APBB2: variants seen among roughly 807,000 people sequenced by gnomAD.
APBB2 encodes the protein amyloid beta precursor protein binding family B member 2, also known as Fe65-like 1.
APBB2 carries 38 observed loss-of-function variants against 82.5 expected under a neutral mutation model. The observed-to-expected ratio is 0.46, with a 90% CI of 0.36 to 0.60. The LOEUF is 0.60. Ranked by LOEUF, APBB2 falls within the 20% of genes least tolerant of loss-of-function variation. The pLI is 0.00. For missense variants in APBB2, 772 were observed against 972.3 expected, an observed-to-expected ratio of 0.79 and a Z score of 2.74; for synonymous variants, 341 against 368.2, an observed-to-expected ratio of 0.93 and a Z score of 0.85.
chr4:40,945,646 T>C lies in APBB2; in HGVS notation c.836-573A>G, dbSNP rs139340164. Among the ~76,000 whole-genome samples the C allele has an allele frequency of 1.1e-3, 175 of 152,316 alleles. 4 individuals carry two copies. The East Asian group carries it at 0.021, about 19-fold the overall frequency. On this transcript the variant is annotated intron_variant, in intron 6 of 17. Transcript: ENST00000508593. ...CTTTTTTTTCAAGATGGAGTCTTGC[T>C]CTGTCACCCAGGCTGGAGTGCAGTG... is the stretch of plus-strand genomic sequence containing the variant.
At chr4:40,985,583 T>C (rs963381504) in intron 6 of APBB2, among the ~76,000 whole-genome samples, 12 of 152,158 alleles carry the variant, frequency 7.9e-5, no homozygotes, top group Non-Finnish European at 1.0e-4. Context: ...TTTAGTTATA[T>C]TGAATTTCAT....
intron 1 of APBB2, among the ~76,000 whole-genome samples, chr4:41,185,933 A>G (rs1397858036): frequency 2.0e-5 from 3 of 152,184 alleles, no homozygotes; most frequent in African/African-American, 7.2e-5. Context: ...TTAATACCAA[A>G]AACACCCCCA....
intron 1 of APBB2, among the ~76,000 whole-genome samples, chr4:41,168,415 T>C (rs1580578875): frequency 6.6e-6 from 1 of 152,256 alleles, no homozygotes; most frequent in African/African-American, 2.4e-5. Context: ...AGTCTCGCTC[T>C]GTCACCCAGG....
chr4:40,934,223 A>G (rs964143850), intron 10 of APBB2, among the ~76,000 whole-genome samples: 3 of 152,210 alleles, frequency 2.0e-5, no homozygotes, highest in African/African-American at 7.2e-5. Context: ...TTGTGCAAAG[A>G]GCTGACGTAG....
At chr4:40,839,677 T>C (rs1467332237) in intron 12 of APBB2, among the ~76,000 whole-genome samples, 1 of 152,050 alleles carries the variant, frequency 6.6e-6, no homozygotes. Context: ...TTTCTTTTTT[T>C]TTTTTGAGGT....
At chr4:40,958,121 CTT>C (rs2154387911) in intron 6 of APBB2, among the ~76,000 whole-genome samples, 1 of 152,254 alleles carries the variant, frequency 6.6e-6, no homozygotes, top group Admixed American at 6.5e-5. Context: ...CATCCATAAA[CTT>C]ATATATAATT....
chr4:40,955,649 G>A (rs952662198), intron 6 of APBB2, among the ~76,000 whole-genome samples: 5 of 151,510 alleles, frequency 3.3e-5, no homozygotes, highest in Admixed American at 6.6e-5. Context: ...ACAGTGGCTC[G>A]TGCCTGTAAT....
intron 5 of APBB2, among the ~76,000 whole-genome samples, chr4:41,018,836 G>A (rs1230307718): frequency 2.6e-5 from 4 of 152,260 alleles, no homozygotes; most frequent in Middle Eastern, 3.4e-3. Context: ...ATTTACCAAA[G>A]GGAAGCAGGA....
At chr4:41,011,392 G>A (rs1289072112) in intron 6 of APBB2, among the ~76,000 whole-genome samples, 1 of 150,982 alleles carries the variant, frequency 6.6e-6, no homozygotes, top group African/African-American at 2.4e-5. Flanking sequence ...TATTGGTCAG[G>A]CTGGCCTTGA....
intron 10 of APBB2, among the ~76,000 whole-genome samples, chr4:40,913,573 G>C (rs977024023): frequency 3.3e-5 from 5 of 152,128 alleles, no homozygotes; most frequent in African/African-American, 9.7e-5. Flanking sequence ...TAACCCCAAA[G>C]TCCATACTCC....
In APBB2 at chr4:40,814,521, C is replaced by T. The variant is rs1256365611; in HGVS notation, c.*1571G>A. The T allele has an allele frequency of 6.6e-6, 1 of 152,114 alleles. No individual in the cohort carries two copies. Among genetic ancestry groups the T allele is most frequent in the African/African-American group, 2.4e-5 (1 of 41,412 alleles). The allele number at this position is 152,114 out of a possible 1,614,324, so 9.4% of individuals were successfully genotyped here. A position where few individuals can be genotyped will look rare whatever the true frequency, so the allele number is the denominator to read the frequency against. On this transcript the variant is annotated 3_prime_UTR_variant, in exon 18 of 18. Coordinates refer to ENST00000508593, the MANE Select transcript of APBB2 (RefSeq NM_004307.2). The stretch of plus-strand genomic sequence containing the variant: ...CTCTCGGTACTTCATATTTTTACTT[C>T]TAAAGTGTATTTAGTACCTTCTCTA...
At chr4:40,867,704 T>C (rs1764380830) in intron 12 of APBB2, among the ~76,000 whole-genome samples, 1 of 152,220 alleles carries the variant, frequency 6.6e-6, no homozygotes, top group African/African-American at 2.4e-5. Context: ...GACGTTCCCA[T>C]GTACTCTCAT....
At chr4:40,947,548 A>C (rs1788789117) in intron 6 of APBB2, among the ~76,000 whole-genome samples, 1 of 152,256 alleles carries the variant, frequency 6.6e-6, no homozygotes, top group Non-Finnish European at 1.5e-5. Flanking sequence ...CACGAATCAG[A>C]CTGTTTATCT....
At chr4:41,126,393 A>T (rs1306819686) in intron 2 of APBB2, among the ~76,000 whole-genome samples, 1 of 152,124 alleles carries the variant, frequency 6.6e-6, no homozygotes, top group Non-Finnish European at 1.5e-5. Flanking sequence ...TAAATAAGTA[A>T]ATGAATAAAC....
At chr4:41,109,226 T>A (rs1358295032) in intron 2 of APBB2, among the ~76,000 whole-genome samples, 1 of 151,948 alleles carries the variant, frequency 6.6e-6, no homozygotes, top group Non-Finnish European at 1.5e-5. Context: ...ATTGTGCCAC[T>A]GCACTCCAGC....
In APBB2 at chr4:41,014,687, A is replaced by G. The variant is rs544187707; in HGVS notation, c.20-289T>C. Among the ~76,000 whole-genome samples the G allele has an allele frequency of 5.3e-5, 8 of 152,348 alleles. No individual in the cohort carries two copies. In the South Asian group the frequency reaches 1.5e-3, roughly 28 times the overall value. On this transcript the variant is annotated intron_variant, in intron 5 of 17. Transcript: ENST00000508593. The stretch of plus-strand genomic sequence containing the variant: ...AAAGCATTTCTCTTTGAATTCACAT[A>G]AAAGCATTTTCTTCTGGTGGCTGGT...
chr4:41,102,997 T>C (rs1026131853), intron 2 of APBB2, among the ~76,000 whole-genome samples: 14 of 152,224 alleles, frequency 9.2e-5, no homozygotes, highest in African/African-American at 2.4e-4. Context: ...TAAGAACACA[T>C]AGATCATTTT....
intron 12 of APBB2, among the ~76,000 whole-genome samples, chr4:40,834,886 C>T (rs555872241): frequency 3.3e-5 from 5 of 152,170 alleles, no homozygotes; most frequent in African/African-American, 4.8e-5. Context: ...TTAGGCCACT[C>T]GGTTTGTGGC....
intron 10 of APBB2, among the ~76,000 whole-genome samples, chr4:40,923,841 A>T (rs1235219541): frequency 1.3e-5 from 2 of 152,238 alleles, no homozygotes; most frequent in African/African-American, 4.8e-5. Flanking sequence ...TCATTCAGGC[A>T]AGTGTAGTGA....
Sources: gnomAD v4.1 joint callset for allele counts (sites outside exome capture counted in the v4.1 genomes callset) on GRCh38, gnomAD v4.1.1 for gene constraint, MANE v1.5 for transcripts, NCBI Gene and HGNC (gene_info 2026-07-23, HGNC 2026-07-21) for gene names.